The following MCC variants were observed in gnomAD, a reference collection of about 807,000 sequenced individuals.
MCC encodes the protein MCC regulator of Wnt signaling pathway.
A neutral mutation model predicts 116.2 loss-of-function variants in MCC; 90 were observed. That is an observed-to-expected ratio of 0.77 (90% CI 0.65 to 0.92). The LOEUF (loss-of-function observed/expected upper bound fraction) is 0.92. Ranked by LOEUF, MCC falls within the 40% of genes least tolerant of loss-of-function variation. The pLI is 0.00. For missense variants in MCC, 1,516 were observed against 1,312.2 expected, an observed-to-expected ratio of 1.16 and a Z score of -2.40; for synonymous variants, 578 against 510.5, an observed-to-expected ratio of 1.13 and a Z score of -1.78.
At chr5:113,280,496 C>A (rs1030042035) in intron 3 of MCC, among the ~76,000 whole-genome samples, 3 of 152,200 alleles carry the variant, frequency 2.0e-5, no homozygotes, top group Admixed American at 6.5e-5. Context: ...TAGGTGAACA[C>A]ACTGTATTAT....
chr5:113,421,810 T>G (rs1240870236), intron 1 of MCC, among the ~76,000 whole-genome samples: 1 of 152,168 alleles, frequency 6.6e-6, no homozygotes, highest in East Asian at 1.9e-4. Flanking sequence ...TTTCACTCAA[T>G]TCCACGCTCC....
chr5:113,161,502 ATCAGG>A (rs1760480758), intron 3 of MCC, among the ~76,000 whole-genome samples: 1 of 152,216 alleles, frequency 6.6e-6, no homozygotes, highest in South Asian at 2.1e-4. Flanking sequence ...AACTCCACAG[ATCAGG>A]AAAGGCCAAA....
At chr5:113,215,659 C>A (rs77879422) in intron 3 of MCC, among the ~76,000 whole-genome samples, 3,625 of 152,262 alleles carry the variant, frequency 0.024, 173 homozygotes, top group African/African-American at 0.083. Flanking sequence ...AGCATCCAAG[C>A]CCTCTTAGAA....
Position 113,049,130 on chromosome 5 carries a change from CTGA to C in MCC, c.2615_2617del (p.Leu872_Ser873delinsArg). The stretch of plus-strand genomic sequence containing the variant: ...GTCTTTGCTGCCGCTGCTGGTGGAG[CTGA>C]GGGATCGCATCCGCTGCTCCTTCTG... On this transcript the variant is annotated inframe_deletion, in exon 16 of 19. Coordinates refer to ENST00000408903, the MANE Select transcript of MCC (RefSeq NM_001085377.2). The C allele has an allele frequency of 1.2e-6, 2 of 1,614,232 alleles. No homozygotes were observed. Among genetic ancestry groups the C allele is most frequent in the Non-Finnish European group, 1.7e-6 (2 of 1,180,034 alleles).
intron 1 of MCC, among the ~76,000 whole-genome samples, chr5:113,415,783 G>A (rs941021103): frequency 3.3e-5 from 5 of 152,160 alleles, no homozygotes; most frequent in African/African-American, 9.7e-5. Flanking sequence ...GCTTGTCAAA[G>A]TCATTCTCCG....
At chr5:113,293,164 G>T (rs1193938710) in intron 3 of MCC, among the ~76,000 whole-genome samples, 2 of 152,026 alleles carry the variant, frequency 1.3e-5, no homozygotes, top group African/African-American at 4.8e-5. Flanking sequence ...GCATTCACCA[G>T]CCCGACGGCA....
intron 3 of MCC, among the ~76,000 whole-genome samples, chr5:113,289,583 C>G (rs1009571545): frequency 6.6e-6 from 1 of 152,102 alleles, no homozygotes; most frequent in Admixed American, 6.6e-5. Flanking sequence ...GCACCTTTAC[C>G]TCCTCTTTCT....
At chr5:113,377,166 C>T (rs921229899) in intron 2 of MCC, among the ~76,000 whole-genome samples, 8 of 152,198 alleles carry the variant, frequency 5.3e-5, no homozygotes, top group African/African-American at 1.4e-4. Context: ...AATATGGTCA[C>T]ATTTGCATTC....
chr5:113,263,386 T>G (rs1003515987), intron 3 of MCC, among the ~76,000 whole-genome samples: 2 of 152,222 alleles, frequency 1.3e-5, no homozygotes, highest in Non-Finnish European at 2.9e-5. Flanking sequence ...TTGGCTACCA[T>G]GCCAAAGGAT....
chr5:113,273,524 A>C (rs920850993), intron 3 of MCC, among the ~76,000 whole-genome samples: 1 of 152,206 alleles, frequency 6.6e-6, no homozygotes, highest in Non-Finnish European at 1.5e-5. Context: ...ATAAAGTAGC[A>C]GACACTCCCA....
At chr5:113,262,808 G>T (rs2150349207) in intron 3 of MCC, among the ~76,000 whole-genome samples, 1 of 151,988 alleles carries the variant, frequency 6.6e-6, no homozygotes, top group Non-Finnish European at 1.5e-5. Flanking sequence ...TCTAGAAATG[G>T]GCTTGATAAT....
At chr5:113,392,195 T>C (rs1246338184) in intron 1 of MCC, among the ~76,000 whole-genome samples, 1 of 150,576 alleles carries the variant, frequency 6.6e-6, no homozygotes, top group Non-Finnish European at 1.5e-5. Context: ...TGCCTATGAA[T>C]AGCAACTGCA....
At chr5:113,228,910 C>A (rs186556826) in intron 3 of MCC, among the ~76,000 whole-genome samples, 1 of 151,880 alleles carries the variant, frequency 6.6e-6, no homozygotes, top group Non-Finnish European at 1.5e-5. Context: ...TGTTTTTGGC[C>A]GGAAAAATGG....
intron 3 of MCC, among the ~76,000 whole-genome samples, chr5:113,211,834 A>C (rs1446231129): frequency 6.6e-6 from 1 of 152,252 alleles, no homozygotes; most frequent in Non-Finnish European, 1.5e-5. Context: ...ATTTATTAGA[A>C]ACAAACATGA....
intron 17 of MCC, among the ~76,000 whole-genome samples, chr5:113,031,053 A>G (rs202037323): frequency 3.9e-5 from 6 of 152,230 alleles, no homozygotes; most frequent in South Asian, 2.1e-4. Context: ...AGCTTTTCAT[A>G]TATCTAATCT....
intron 8 of MCC, among the ~76,000 whole-genome samples, chr5:113,088,674 T>C (rs1270426825): frequency 2.0e-5 from 3 of 152,000 alleles, no homozygotes; most frequent in African/African-American, 7.3e-5. Context: ...CCAAGAGCTA[T>C]CAGAAGTTCG....
chr5:113,068,013 G>A (rs1338637445), intron 13 of MCC, 67 bp downstream of exon 13: 3 of 1,383,934 alleles, frequency 2.2e-6, no homozygotes, highest in East Asian at 2.3e-5. Context: ...GCCAGTTGCT[G>A]AGACAGGGGC....
chr5:113,314,980 T>C (rs150513081), intron 3 of MCC, among the ~76,000 whole-genome samples: 1 of 152,352 alleles, frequency 6.6e-6, no homozygotes, highest in East Asian at 1.9e-4. Flanking sequence ...CTCATTATCC[T>C]GGATTCTGGC....
chr5:113,459,081 A>G (rs1374834735), intron 1 of MCC, among the ~76,000 whole-genome samples: 2 of 142,032 alleles, frequency 1.4e-5, no homozygotes, highest in Non-Finnish European at 3.0e-5. Flanking sequence ...TGGAACCTGG[A>G]TGCTCTGAAC....
Sources: allele counts gnomAD v4.1 joint callset (sites outside exome capture counted in the v4.1 genomes callset), GRCh38; gene constraint gnomAD v4.1.1; transcripts MANE v1.5; gene names NCBI Gene and HGNC (gene_info 2026-07-23, HGNC 2026-07-21).